The following IQCM variants were observed in gnomAD, a reference collection of about 807,000 sequenced individuals.
IQCM encodes IQ motif containing M, also known as IQ domain-containing protein M.
IQCM carries 45 observed loss-of-function variants against 57.6 expected under a neutral mutation model. The observed-to-expected ratio is 0.78, with a 90% CI of 0.62 to 1.00. The LOEUF is 1.00. IQCM is among the 50% of genes least tolerant of loss of function. The probability of loss-of-function intolerance (pLI) is 0.00; values close to 1 mark genes in which losing one functional copy is unlikely to be tolerated. For synonymous variants in IQCM, 148 were observed against 158.9 expected, an observed-to-expected ratio of 0.93 and a Z score of 0.51; for missense variants, 468 against 511.6, an observed-to-expected ratio of 0.91 and a Z score of 0.82.
At chr4:149,707,558 C>T (rs775832958) in intron 5 of IQCM, among the ~76,000 whole-genome samples, 4 of 151,932 alleles carry the variant, frequency 2.6e-5, no homozygotes, top group Non-Finnish European at 4.4e-5. Flanking sequence ...GGACAAAGAG[C>T]GAGCTTGCTC....
intron 2 of IQCM, among the ~76,000 whole-genome samples, chr4:149,812,190 A>G (rs1466463994): frequency 6.6e-6 from 1 of 152,198 alleles, no homozygotes; most frequent in Non-Finnish European, 1.5e-5. Flanking sequence ...ACTGAGAAAT[A>G]CAAATGCTTC....
intron 7 of IQCM, among the ~76,000 whole-genome samples, chr4:149,640,757 G>A (rs1484200304): frequency 6.6e-6 from 1 of 152,052 alleles, no homozygotes; most frequent in Non-Finnish European, 1.5e-5. Flanking sequence ...TTGATACAAA[G>A]ACAATTTAAT....
At chr4:149,778,625 AAGAG>A (rs1198688346) in intron 2 of IQCM, among the ~76,000 whole-genome samples, 1 of 152,102 alleles carries the variant, frequency 6.6e-6, no homozygotes, top group East Asian at 1.9e-4. Context: ...AAAGGATAAA[AAGAG>A]AGAAGACAAA....
chr4:149,480,216 T>C (rs986956512), intron 12 of IQCM, among the ~76,000 whole-genome samples: 3 of 152,182 alleles, frequency 2.0e-5, no homozygotes, highest in Non-Finnish European at 4.4e-5. Context: ...TATATATTTA[T>C]GGGGTACATG....
chr4:149,668,334 A>G (rs1262337665), intron 7 of IQCM, among the ~76,000 whole-genome samples: 1 of 152,222 alleles, frequency 6.6e-6, no homozygotes, highest in Non-Finnish European at 1.5e-5. Flanking sequence ...ACCGTGCTTC[A>G]TAAGTGAAGG....
chr4:149,747,984 G>T (rs1270791565), intron 2 of IQCM, among the ~76,000 whole-genome samples: 1 of 152,338 alleles, frequency 6.6e-6, no homozygotes, highest in East Asian at 1.9e-4. Context: ...TTGCCAAAGT[G>T]ATCTGAAGCA....
At chr4:149,382,212 T>C (rs1332137090) in intron 13 of IQCM, among the ~76,000 whole-genome samples, 1 of 152,184 alleles carries the variant, frequency 6.6e-6, no homozygotes, top group Non-Finnish European at 1.5e-5. Context: ...TGGCATACAG[T>C]AGATGCTCAA....
At chr4:149,763,957 G>T (rs1769783737) in intron 2 of IQCM, among the ~76,000 whole-genome samples, 1 of 151,594 alleles carries the variant, frequency 6.6e-6, no homozygotes, top group Non-Finnish European at 1.5e-5. Flanking sequence ...ATTTGCCAGA[G>T]AAAAGATGCA....
At chr4:149,576,962 T>G (rs2149975000) in intron 9 of IQCM, among the ~76,000 whole-genome samples, 1 of 152,100 alleles carries the variant, frequency 6.6e-6, no homozygotes, top group African/African-American at 2.4e-5. Flanking sequence ...TCATTGTAAG[T>G]TTGGTTTGCA....
intron 6 of IQCM, among the ~76,000 whole-genome samples, chr4:149,682,783 G>A (rs537910663): frequency 6.6e-6 from 1 of 151,018 alleles, no homozygotes; most frequent in South Asian, 2.1e-4. Flanking sequence ...AAGCATGTAG[G>A]TACTTACTAT....
At chr4:149,724,259 T>C (rs1765698584) in intron 5 of IQCM, among the ~76,000 whole-genome samples, 1 of 152,158 alleles carries the variant, frequency 6.6e-6, no homozygotes, top group Middle Eastern at 3.4e-3. Context: ...TTCATAAACA[T>C]TGTTGATCAA....
intron 13 of IQCM, among the ~76,000 whole-genome samples, chr4:149,398,473 A>T (rs1187969077): frequency 6.6e-6 from 1 of 152,070 alleles, no homozygotes; most frequent in African/African-American, 2.4e-5. Context: ...AACAATAAAT[A>T]TTATATCTTC....
intron 2 of IQCM, among the ~76,000 whole-genome samples, chr4:149,765,355 T>G (rs1444843965): frequency 6.6e-6 from 1 of 152,066 alleles, no homozygotes; most frequent in East Asian, 1.9e-4. Context: ...GATGAAGTAA[T>G]TTCGAAGAGA....
chr4:149,445,295 C>G (rs1363874419), intron 12 of IQCM, among the ~76,000 whole-genome samples: 1 of 151,806 alleles, frequency 6.6e-6, no homozygotes, highest in African/African-American at 2.4e-5. Context: ...GATTCCTTCA[C>G]AGGCTCATGT....
At chr4:149,648,949 C>T (rs1401577714) in intron 7 of IQCM, among the ~76,000 whole-genome samples, 2 of 151,864 alleles carry the variant, frequency 1.3e-5, no homozygotes, top group African/African-American at 2.4e-5. Flanking sequence ...AAATAATTTG[C>T]GTAAATTACC....
At chr4:149,509,693 G>A (rs546324669) in intron 12 of IQCM, among the ~76,000 whole-genome samples, 6 of 152,178 alleles carry the variant, frequency 3.9e-5, no homozygotes, top group East Asian at 3.9e-4. Context: ...GTAAGGTATC[G>A]AGACTTCCAC....
At chr4:149,810,739 C>A (rs927212553) in intron 2 of IQCM, among the ~76,000 whole-genome samples, 5 of 152,116 alleles carry the variant, frequency 3.3e-5, no homozygotes, top group African/African-American at 1.2e-4. Context: ...CGTGAGCCAC[C>A]ATGCCCAGCC....
chr4:149,711,500 T>G (rs1268173098), intron 5 of IQCM, among the ~76,000 whole-genome samples: 2 of 152,218 alleles, frequency 1.3e-5, no homozygotes, highest in East Asian at 1.9e-4. Flanking sequence ...ATTTTGATAA[T>G]GCATGGCTTA....
At chr4:149,432,717 T>C (rs1307294439) in intron 13 of IQCM, among the ~76,000 whole-genome samples, 1 of 151,828 alleles carries the variant, frequency 6.6e-6, no homozygotes, top group Admixed American at 6.6e-5. Flanking sequence ...TGGGAGAAAA[T>C]ATTCACAAAG....
Sources: gnomAD v4.1 joint callset for allele counts (sites outside exome capture counted in the v4.1 genomes callset) on GRCh38, gnomAD v4.1.1 for gene constraint, MANE v1.5 for transcripts, NCBI Gene and HGNC (gene_info 2026-07-23, HGNC 2026-07-21) for gene names.